The following LRRK1 variants were observed in gnomAD, a reference collection of about 807,000 sequenced individuals.
The protein encoded by LRRK1 is leucine rich repeat kinase 1, also known as leucine-rich repeat serine/threonine-protein kinase 1.
LRRK1 carries 113 observed loss-of-function variants against 209.1 expected under a neutral mutation model. That is an observed-to-expected ratio of 0.54 (90% CI 0.46 to 0.63). The LOEUF is 0.63. LRRK1 is among the 30% of genes least tolerant of loss of function. The pLI, the probability that LRRK1 is intolerant of heterozygous loss-of-function variation, is 0.00. For synonymous variants in LRRK1, 1,144 were observed against 1,099.7 expected (o/e 1.04, Z -0.80); for missense variants, 2,284 against 2,632.2 (o/e 0.87, Z 2.89).
chr15:101,027,209 C>T lies in LRRK1; in HGVS notation c.2406-52C>T, dbSNP rs1387761088. The T allele has an allele frequency of 1.9e-6, 3 of 1,601,326 alleles. No homozygotes were observed. The highest frequency in any genetic ancestry group is 1.1e-5 in the South Asian group (1 of 89,658). On this transcript the variant is annotated intron_variant, in intron 17 of 33. Coordinates refer to ENST00000388948, the MANE Select transcript of LRRK1 (RefSeq NM_024652.6). The surrounding 1 kb of genome is among the most constrained non-coding windows in gnomAD (Gnocchi z 5.1). ...TCTCAGGGAAACAGAGAAGCAGCAGCGCTTCCTCGGAGTGGGGCATGATGA... is the reference window on the plus strand; with the variant it reads ...TCTCAGGGAAACAGAGAAGCAGCAGTGCTTCCTCGGAGTGGGGCATGATGA...
intron 16 of LRRK1, among the ~76,000 whole-genome samples, chr15:101,025,389 A>G (rs554100230): frequency 8.5e-5 from 13 of 152,352 alleles, no homozygotes; most frequent in African/African-American, 3.1e-4. Context: ...TTCACGGAGA[A>G]TGAGGAGCAC....
At chr15:100,937,191 G>A (rs1330626399) in intron 2 of LRRK1, among the ~76,000 whole-genome samples, 1 of 152,092 alleles carries the variant, frequency 6.6e-6, no homozygotes, top group Non-Finnish European at 1.5e-5. Flanking sequence ...GTTGATAATG[G>A]TTCAGGATTT....
chr15:100,973,963 A>G lies in LRRK1; in HGVS notation c.257A>G (p.Glu86Gly). The change falls in exon 3 of 34, where the codon GAA (glutamate) becomes GGA (glycine). Residue 86 changes from glutamate (E) to glycine (G), a missense_variant. Glu to Gly is a moderately conservative substitution (Grantham distance 98, BLOSUM62 -2). This residue lies in a region of LRRK1 where 174 missense variants were observed against 133.5 expected (regional missense o/e 1.30). Coordinates refer to ENST00000388948, the MANE Select transcript of LRRK1 (RefSeq NM_024652.6). ...TGCGACCAGTGCGCGTCCCAGCTGGAAAAGGTAGGGGAGCGCCTGCCCCTG... is the reference window on the plus strand; with the variant it reads ...TGCGACCAGTGCGCGTCCCAGCTGGGAAAGGTAGGGGAGCGCCTGCCCCTG... ...EACDQCASQL[E>G]KGQLLSIPAA... The G allele has an allele frequency of 8.0e-7, 1 of 1,249,648 alleles. No individual in the cohort carries two copies. The highest frequency in any genetic ancestry group is 1.0e-6 in the Non-Finnish European group (1 of 991,290). 77.4% of individuals were successfully genotyped at this position (1,249,648 alleles called of 1,614,324 possible). A position where few individuals can be genotyped will look rare whatever the true frequency, so the allele number is the denominator to read the frequency against.
At chr15:100,988,936 A>T (rs2032016940) in intron 5 of LRRK1, 123 bp downstream of exon 5, 3 of 787,656 alleles carry the variant, frequency 3.8e-6, no homozygotes, top group Non-Finnish European at 6.0e-6. Flanking sequence ...AGACTTTTGC[A>T]ACTCCTGTTC....
chr15:101,060,515 G>T (rs1008675353), intron 29 of LRRK1, among the ~76,000 whole-genome samples: 1 of 152,212 alleles, frequency 6.6e-6, no homozygotes, highest in Non-Finnish European at 1.5e-5. Flanking sequence ...GGTGGCAGGA[G>T]AAACTTTATA....
intron 13 of LRRK1, chr15:101,021,578 G>T: frequency 1.9e-6 from 1 of 525,638 alleles, no homozygotes; most frequent in East Asian, 3.1e-5. Flanking sequence ...ATCTTTATGG[G>T]GATGTACTTA....
chr15:101,008,868 T>G lies in LRRK1; in HGVS notation c.794T>G (p.Leu265Arg). The change falls in exon 7 of 34, where the codon CTG becomes CGG. Residue 265 changes from leucine (L) to arginine (R), a missense_variant. Coordinates refer to ENST00000388948, the MANE Select transcript of LRRK1 (RefSeq NM_024652.6). Reference protein sequence around the residue: ...ALRVKWSHLRLPWVDLDWLID... With the variant: ...ALRVKWSHLRRPWVDLDWLID... ...CGTGTGAAATGGTCCCATCTCAGAC[T>G]GCCCTGGGTAGACCTAGACTGGCTC... 1 of 1,614,238 alleles carries G rather than the reference T, an allele frequency of 6.2e-7. No individual in the cohort carries two copies. The highest frequency in any genetic ancestry group is 8.5e-7 in the Non-Finnish European group (1 of 1,180,024).
At chr15:101,034,976 C>T (rs2034438604) in intron 20 of LRRK1, among the ~76,000 whole-genome samples, 1 of 150,844 alleles carries the variant, frequency 6.6e-6, no homozygotes, top group African/African-American at 2.4e-5. Context: ...TTATTTGGGT[C>T]TTTTCTCTTC....
intron 2 of LRRK1, among the ~76,000 whole-genome samples, chr15:100,941,314 CTGTG>C (rs1254765454): frequency 5.4e-4 from 4 of 7,394 alleles, no homozygotes; most frequent in Admixed American, 1.4e-3. Context: ...GTGTGTGTGT[CTGTG>C]TGTGTGTGTC....
At chr15:101,035,289 A>G (rs920160059) in intron 20 of LRRK1, among the ~76,000 whole-genome samples, 5 of 151,978 alleles carry the variant, frequency 3.3e-5, no homozygotes, top group Admixed American at 2.6e-4. Context: ...GTATTAGAAT[A>G]TATCTCTCTC....
At position 101,022,244 on chromosome 15, in the gene LRRK1, CT is replaced by C; in HGVS notation, c.1853-138del. 1 of 849,796 alleles carries C rather than the reference CT, an allele frequency of 1.2e-6. No homozygotes were observed. The highest frequency in any genetic ancestry group is 1.6e-5 in the South Asian group (1 of 60,918). The allele number at this position is 849,796 out of a possible 1,614,324, so 52.6% of individuals were successfully genotyped here. A position where few individuals can be genotyped will look rare whatever the true frequency, so the allele number is the denominator to read the frequency against. On this transcript the variant is annotated intron_variant, in intron 14 of 33. Coordinates refer to ENST00000388948, the MANE Select transcript of LRRK1 (RefSeq NM_024652.6). The surrounding 1 kb of genome is among the most constrained non-coding windows in gnomAD (Gnocchi z 4.0). ...TAGGGTGGTTAGTGTCATGCCTTCCCTCCCCCTGATCCAGTAGTCTTCCTTA... is the reference window on the plus strand; with the variant it reads ...TAGGGTGGTTAGTGTCATGCCTTCCCCCCCCTGATCCAGTAGTCTTCCTTA...
chr15:100,949,587 C>A (rs1009142123), intron 2 of LRRK1, among the ~76,000 whole-genome samples: 3 of 152,112 alleles, frequency 2.0e-5, no homozygotes, highest in Admixed American at 6.5e-5. Context: ...AAACTACAGA[C>A]CACTACCTCT....
chr15:101,065,711 C>A lies in LRRK1; in HGVS notation c.5274C>A (p.Ala1758=). 1.2e-6 allele frequency: 2 copies of A among 1,614,126 alleles called. No individual in the cohort carries two copies. The highest frequency in any genetic ancestry group is 1.7e-6 in the Non-Finnish European group (2 of 1,180,016). The stretch of plus-strand genomic sequence containing the variant: ...TCGTCTGGTGCCTGGATGACAAGGC[C>A]AACTCCTTGGTGATGTACCACTCCA... ...EEVVWCLDDK[A]NSLVMYHSTT... The change falls in exon 32 of 34, where the codon GCC becomes GCA. Residue 1758 remains alanine (A), a synonymous_variant. Coordinates refer to ENST00000388948, the MANE Select transcript of LRRK1 (RefSeq NM_024652.6).
chr15:101,011,827 T>C (rs897143859), intron 9 of LRRK1, among the ~76,000 whole-genome samples, 181 bp from the exon 10 acceptor site: 10 of 151,888 alleles, frequency 6.6e-5, no homozygotes, highest in African/African-American at 2.4e-4. Context: ...TTCCTTGGAG[T>C]AGGGGCGGGA....
chr15:101,055,346 A>C, intron 27 of LRRK1, 123 bp downstream of exon 27: 5 of 940,326 alleles, frequency 5.3e-6, no homozygotes, highest in East Asian at 3.0e-5. Flanking sequence ...CATTTTTCTC[A>C]CTCTCCCTTG....
At chr15:100,940,296 C>T (rs566959086) in intron 2 of LRRK1, among the ~76,000 whole-genome samples, 3 of 152,212 alleles carry the variant, frequency 2.0e-5, no homozygotes, top group Admixed American at 2.0e-4. Flanking sequence ...TCTAAATTTA[C>T]TCTTCTTGAC....
Position 101,062,625 on chromosome 15 carries a change from C to A in LRRK1, c.4849C>A (p.Pro1617Thr). 2 of 1,614,206 alleles carry A rather than the reference C, an allele frequency of 1.2e-6. No individual in the cohort carries two copies. Among genetic ancestry groups the A allele is most frequent in the Non-Finnish European group, 1.7e-6 (2 of 1,180,010 alleles). The change falls in exon 31 of 34, where the codon CCC becomes ACC. Residue 1617 changes from proline (P) to threonine (T), a missense_variant. Physicochemically the swap from Pro to Thr is conservative, Grantham distance 38. This residue lies in a region of LRRK1 where 643 missense variants were observed against 695.9 expected (regional missense o/e 0.92). Coordinates refer to ENST00000388948, the MANE Select transcript of LRRK1 (RefSeq NM_024652.6). The part of the protein sequence containing the change: ...TLKGMCPLNT[P>T]QQALDTPAVV... ...CAAGGGCATGTGCCCCTTAAACACA[C>A]CCCAACAGGCCTTGGATACTCCAGC...
chr15:100,941,368 C>CTG (rs2042415616), intron 2 of LRRK1, among the ~76,000 whole-genome samples: 2 of 26,122 alleles, frequency 7.7e-5, no homozygotes, highest in African/African-American at 2.3e-4. Flanking sequence ...GTGTGTGTGC[C>CTG]TGTATGTGTG....
intron 12 of LRRK1, among the ~76,000 whole-genome samples, chr15:101,020,221 C>T (rs1346702561): frequency 2.0e-5 from 3 of 152,140 alleles, no homozygotes; most frequent in Non-Finnish European, 2.9e-5. Context: ...CCATTGTGTT[C>T]CTGTCTAACA....
Sources: allele counts gnomAD v4.1 joint callset (sites outside exome capture counted in the v4.1 genomes callset), GRCh38; gene constraint gnomAD v4.1.1; regional missense constraint gnomAD v4.1.1; non-coding constraint Gnocchi (gnomAD v3.1); transcripts MANE v1.5; gene names NCBI Gene and HGNC (gene_info 2026-07-23, HGNC 2026-07-21).